Variants in IQCM observed in about 807,000 individuals in gnomAD.
IQCM encodes the protein IQ motif containing M, also known as IQ domain-containing protein M.
IQCM carries 45 observed loss-of-function variants against 57.6 expected under a neutral mutation model. That is an observed-to-expected ratio of 0.78 (90% CI 0.62 to 1.00). The LOEUF is 1.00. Ranked by LOEUF, IQCM falls within the 50% of genes least tolerant of loss-of-function variation. The pLI is 0.00. For synonymous variants in IQCM, 148 were observed against 158.9 expected (o/e 0.93, Z 0.51); for missense variants, 468 against 511.6 (o/e 0.91, Z 0.82).
chr4:149,587,495 G>A (rs1002852775), intron 9 of IQCM, among the ~76,000 whole-genome samples: 1 of 151,634 alleles, frequency 6.6e-6, no homozygotes, highest in Non-Finnish European at 1.5e-5. Context: ...ATATAAAGTA[G>A]CAAAGCAATC....
At chr4:149,467,363 G>T (rs769293579) in intron 12 of IQCM, among the ~76,000 whole-genome samples, 1 of 152,108 alleles carries the variant, frequency 6.6e-6, no homozygotes, top group Non-Finnish European at 1.5e-5. Context: ...TTGTTTATTC[G>T]TAATAACAAC....
intron 8 of IQCM, among the ~76,000 whole-genome samples, chr4:149,596,708 A>G (rs1231013404): frequency 1.3e-5 from 2 of 152,106 alleles, no homozygotes; most frequent in African/African-American, 2.4e-5. Flanking sequence ...ATGACAATAT[A>G]CCATTTACCT....
chr4:149,413,563 T>A (rs945563959), intron 13 of IQCM, among the ~76,000 whole-genome samples: 1 of 152,028 alleles, frequency 6.6e-6, no homozygotes, highest in Non-Finnish European at 1.5e-5. Flanking sequence ...ATGCTCTATA[T>A]CAAGACTTTA....
At position 149,720,208 on chromosome 4, in the gene IQCM, T is replaced by A. The variant is rs182211483; in HGVS notation, c.385+13036A>T. Among the ~76,000 whole-genome samples the A allele has an allele frequency of 1.2e-4, 18 of 152,322 alleles. No homozygotes were observed. In the East Asian group the frequency reaches 3.5e-3, roughly 29 times the overall value. On this transcript the variant is annotated intron_variant, in intron 5 of 13. Coordinates refer to ENST00000636793, the MANE Select transcript of IQCM (RefSeq NM_001363507.2). ...AAGTCACCACTCTATTCTAAGATTT[T>A]TTTTATTCCTGAATTTCCCCTCTGG...
intron 8 of IQCM, among the ~76,000 whole-genome samples, chr4:149,593,801 T>C (rs969321652): frequency 2.0e-5 from 3 of 152,184 alleles, no homozygotes; most frequent in African/African-American, 7.2e-5. Context: ...ATCCCAAGGA[T>C]GAAGCCCAGT....
chr4:149,491,537 T>C (rs1742096195), intron 12 of IQCM, among the ~76,000 whole-genome samples: 1 of 152,148 alleles, frequency 6.6e-6, no homozygotes, highest in East Asian at 1.9e-4. Context: ...CCTGGTTTAT[T>C]CCACTTAACA....
intron 12 of IQCM, among the ~76,000 whole-genome samples, chr4:149,547,660 C>CACACTT (rs1656151984): frequency 1.3e-5 from 2 of 152,166 alleles, no homozygotes; most frequent in Non-Finnish European, 2.9e-5. Flanking sequence ...ACCACACACT[C>CACACTT]ACACTTACAT....
At position 149,571,898 on chromosome 4, in the gene IQCM, T is replaced by C. The variant is rs552512542; in HGVS notation, c.750-8008A>G. Among the ~76,000 whole-genome samples the C allele has an allele frequency of 4.9e-4, 74 of 152,202 alleles. 1 individual carries two copies. The South Asian group carries it at 0.015, about 32-fold the overall frequency. On this transcript the variant is annotated intron_variant, in intron 9 of 13. Transcript: ENST00000636793. ...AAAGCAAACAACTTAGCTTCCTCCATAATGCATAAGTAGTATATAATATCT... is the reference window on the plus strand; with the variant it reads ...AAAGCAAACAACTTAGCTTCCTCCACAATGCATAAGTAGTATATAATATCT...
chr4:149,371,467 A>C (rs557540910), intron 13 of IQCM, among the ~76,000 whole-genome samples: 1 of 152,262 alleles, frequency 6.6e-6, no homozygotes, highest in African/African-American at 2.4e-5. Context: ...CCACCTCCTA[A>C]GGACTGAGGC....
chr4:149,668,800 T>A (rs959567649), intron 7 of IQCM, among the ~76,000 whole-genome samples: 1 of 152,090 alleles, frequency 6.6e-6, no homozygotes, highest in Admixed American at 6.5e-5. Context: ...AGCAATGTGA[T>A]ATAGAGAAAA....
At chr4:149,722,407 C>T (rs1765524107) in intron 5 of IQCM, among the ~76,000 whole-genome samples, 1 of 151,978 alleles carries the variant, frequency 6.6e-6, no homozygotes, top group South Asian at 2.1e-4. Context: ...AGGTTTCCTT[C>T]TAGAATTTCA....
Position 149,628,425 on chromosome 4 carries a change from C to T in IQCM, c.566-7181G>A, listed in dbSNP as rs186439988. On this transcript the variant is annotated intron_variant, in intron 7 of 13. Coordinates refer to ENST00000636793, the MANE Select transcript of IQCM (RefSeq NM_001363507.2). ...GTAATGGCAGAATAAAAATGTACTT[C>T]AGAGTTAGTAGGAGTATAAGTGACA... is the stretch of plus-strand genomic sequence containing the variant. Among the ~76,000 whole-genome samples, 1,058 of 152,070 alleles carry T rather than the reference C, an allele frequency of 7.0e-3. 25 individuals carry two copies. Among genetic ancestry groups the T allele is most frequent in the Non-Finnish European group, 8.2e-3 (555 of 67,988 alleles).
intron 12 of IQCM, among the ~76,000 whole-genome samples, chr4:149,520,967 T>C (rs1381847116): frequency 6.6e-6 from 1 of 152,144 alleles, no homozygotes; most frequent in African/African-American, 2.4e-5. Flanking sequence ...TGGTGGCTTC[T>C]ATGCAGGATC....
At chr4:149,474,581 G>A (rs946935380) in intron 12 of IQCM, among the ~76,000 whole-genome samples, 5 of 150,566 alleles carry the variant, frequency 3.3e-5, no homozygotes, top group African/African-American at 1.2e-4. Context: ...GCCAGGTGTG[G>A]TAGCATGTGC....
At chr4:149,422,246 A>G (rs1014430896) in intron 13 of IQCM, among the ~76,000 whole-genome samples, 30 of 152,030 alleles carry the variant, frequency 2.0e-4, no homozygotes, top group Non-Finnish European at 2.9e-5. Flanking sequence ...AAGTAAAGGA[A>G]TTGAGCTTAA....
At chr4:149,630,475 C>T (rs1757169637) in intron 7 of IQCM, among the ~76,000 whole-genome samples, 4 of 151,926 alleles carry the variant, frequency 2.6e-5, no homozygotes, top group Non-Finnish European at 2.9e-5. Flanking sequence ...AAGTGGACAC[C>T]GAGTGATAAT....
intron 3 of IQCM, among the ~76,000 whole-genome samples, chr4:149,742,323 C>T (rs1186022585): frequency 2.6e-5 from 4 of 151,956 alleles, no homozygotes; most frequent in Non-Finnish European, 1.5e-5. Flanking sequence ...TCCAAACATG[C>T]TTAAAGGTTT....
intron 7 of IQCM, among the ~76,000 whole-genome samples, chr4:149,668,837 AAAG>A (rs1448945879): frequency 6.6e-6 from 1 of 152,150 alleles, no homozygotes; most frequent in Non-Finnish European, 1.5e-5. Context: ...TTGGCTTTTA[AAAG>A]AAGAAGAAAA....
intron 8 of IQCM, among the ~76,000 whole-genome samples, chr4:149,597,827 T>C (rs897909859): frequency 2.6e-5 from 4 of 152,060 alleles, no homozygotes; most frequent in African/African-American, 7.2e-5. Context: ...TTTTCAGATA[T>C]AAGAAGCCCA....
Sources: allele counts gnomAD v4.1 joint callset (sites outside exome capture counted in the v4.1 genomes callset), GRCh38; gene constraint gnomAD v4.1.1; transcripts MANE v1.5; gene names NCBI Gene and HGNC (gene_info 2026-07-23, HGNC 2026-07-21).